Variants in TIAM1 observed in about 807,000 individuals in gnomAD.
The protein encoded by TIAM1 is rho guanine nucleotide exchange factor TIAM1.
In TIAM1, 65 loss-of-function variants were observed where a neutral mutation model predicts 163.5. The ratio of observed to expected loss-of-function variants is 0.40; its 90% CI spans 0.33 to 0.49. The LOEUF (loss-of-function observed/expected upper bound fraction) is 0.49. Ranked by LOEUF, TIAM1 falls within the 20% of genes least tolerant of loss-of-function variation. The pLI, the probability that TIAM1 is intolerant of heterozygous loss-of-function variation, is 0.77. For synonymous variants in TIAM1, 833 were observed against 810.1 expected, an observed-to-expected ratio of 1.03 and a Z score of -0.48; for missense variants, 1,789 against 2,044.7, an observed-to-expected ratio of 0.87 and a Z score of 2.41.
chr21:31,368,429 G>A (rs1222561249), intron 2 of TIAM1, among the ~76,000 whole-genome samples: 1 of 152,100 alleles, frequency 6.6e-6, no homozygotes, highest in Non-Finnish European at 1.5e-5. Flanking sequence ...TGAGCCACAC[G>A]CATAACATTT....
chr21:31,379,132 C>T (rs775321310), intron 2 of TIAM1, among the ~76,000 whole-genome samples: 25 of 152,090 alleles, frequency 1.6e-4, no homozygotes, highest in East Asian at 3.9e-4. Flanking sequence ...CCACCACACC[C>T]GGCTAATTTT....
intron 19 of TIAM1, among the ~76,000 whole-genome samples, chr21:31,147,616 CT>C (rs1458684775): frequency 2.0e-5 from 3 of 148,508 alleles, no homozygotes; most frequent in Non-Finnish European, 4.4e-5. Context: ...TGAGAAGATA[CT>C]TTGTATCCCA....
chr21:31,309,965 A>C (rs2074862453), intron 2 of TIAM1, among the ~76,000 whole-genome samples: 1 of 152,246 alleles, frequency 6.6e-6, no homozygotes, highest in African/African-American at 2.4e-5. Context: ...CAGAAATGCA[A>C]ATCAAATACC....
At chr21:31,172,458 A>T (rs562615088) in intron 15 of TIAM1, among the ~76,000 whole-genome samples, 1 of 152,222 alleles carries the variant, frequency 6.6e-6, no homozygotes, top group South Asian at 2.1e-4. Context: ...GTCCCCACCT[A>T]CTTACCAGGA....
intron 15 of TIAM1, among the ~76,000 whole-genome samples, chr21:31,182,205 T>C (rs2085064256): frequency 6.6e-6 from 1 of 152,158 alleles, no homozygotes; most frequent in Admixed American, 6.6e-5. Flanking sequence ...GACAGGTGGA[T>C]CTGTAGCAAA....
chr21:31,477,371 C>T (rs2147387403), intron 1 of TIAM1, among the ~76,000 whole-genome samples: 1 of 152,196 alleles, frequency 6.6e-6, no homozygotes, highest in East Asian at 1.9e-4. Context: ...AGTTATTTTT[C>T]CATTTTAGAC....
At position 31,155,747 on chromosome 21, in the gene TIAM1, C is replaced by T. The variant is rs142683151; in HGVS notation, c.2992-1321G>A. ...TCTCAATCTGACCTTGTGATCCACC[C>T]GCCTTGGCCTCCCAAAGTGCTGGGA... On this transcript the variant is annotated intron_variant, in intron 16 of 27. Transcript: ENST00000541036. Among the ~76,000 whole-genome samples the T allele has an allele frequency of 3.8e-3, 582 of 152,164 alleles. 5 individuals are homozygous for T. Among genetic ancestry groups the T allele is most frequent in the African/African-American group, 0.011 (471 of 41,524 alleles).
At chr21:31,504,301 G>A (rs952524220) in intron 1 of TIAM1, among the ~76,000 whole-genome samples, 1 of 152,224 alleles carries the variant, frequency 6.6e-6, no homozygotes, top group Non-Finnish European at 1.5e-5. Context: ...ATGCAAGGGT[G>A]CATCCAGAAG....
Position 31,120,303 on chromosome 21 carries a change from A to G in TIAM1, c.*65T>C. The G allele has an allele frequency of 6.8e-7, 1 of 1,478,480 alleles. No individual in the cohort carries two copies. The highest frequency in any genetic ancestry group is 1.3e-5 in the South Asian group (1 of 74,572). The allele number at this position is 1,478,480 out of a possible 1,614,324, so 91.6% of individuals were successfully genotyped here. On this transcript the variant is annotated 3_prime_UTR_variant, in exon 28 of 28. Coordinates refer to ENST00000541036, the MANE Select transcript of TIAM1 (RefSeq NM_001353694.2). This position sits in a 1 kb window ranked among gnomAD's most constrained non-coding sequence, Gnocchi z 4.2. ...AAGGGGACATTCTTGTCGACGGTACAGGAGGGTGGGCAGAGTTAGGGCAGG... is the reference window on the plus strand; with the variant it reads ...AAGGGGACATTCTTGTCGACGGTACGGGAGGGTGGGCAGAGTTAGGGCAGG...
At chr21:31,220,657 A>G (rs935530408) in intron 8 of TIAM1, among the ~76,000 whole-genome samples, 7 of 152,238 alleles carry the variant, frequency 4.6e-5, no homozygotes, top group African/African-American at 1.4e-4. Context: ...TCTTATAAGC[A>G]GTAATTCTAA....
chr21:31,423,940 A>G (rs533697687), intron 2 of TIAM1, among the ~76,000 whole-genome samples: 47 of 151,500 alleles, frequency 3.1e-4, no homozygotes, highest in African/African-American at 1.1e-3. Context: ...AGTTGATTGT[A>G]GTGATGATTG....
intron 19 of TIAM1, among the ~76,000 whole-genome samples, chr21:31,149,320 T>C (rs2083276786): frequency 6.6e-6 from 1 of 152,218 alleles, no homozygotes; most frequent in South Asian, 2.1e-4. Flanking sequence ...TGCATTATAT[T>C]TACTGGTTGA....
intron 2 of TIAM1, among the ~76,000 whole-genome samples, chr21:31,397,971 G>A (rs1445235332): frequency 6.6e-6 from 1 of 151,946 alleles, no homozygotes; most frequent in Admixed American, 6.6e-5. Flanking sequence ...GCTTCAGCCT[G>A]CCCCTGTGCA....
At chr21:31,237,277 T>C (rs1255262546) in intron 6 of TIAM1, among the ~76,000 whole-genome samples, 1 of 152,182 alleles carries the variant, frequency 6.6e-6, no homozygotes, top group Non-Finnish European at 1.5e-5. Context: ...TTATGAAAGA[T>C]GATTTACAGG....
intron 13 of TIAM1, among the ~76,000 whole-genome samples, chr21:31,194,372 C>T (rs1228443671): frequency 6.6e-6 from 1 of 152,120 alleles, no homozygotes; most frequent in Non-Finnish European, 1.5e-5. Context: ...TACACACCAC[C>T]AAAATAGTTC....
intron 4 of TIAM1, among the ~76,000 whole-genome samples, chr21:31,259,512 G>A (rs974037673): frequency 1.1e-4 from 16 of 151,996 alleles, no homozygotes; most frequent in Non-Finnish European, 1.8e-4. Flanking sequence ...CCAAGAGGCT[G>A]AGGCAGGAGG....
At chr21:31,125,641 C>A (rs1007382243) in intron 26 of TIAM1, among the ~76,000 whole-genome samples, 1 of 152,204 alleles carries the variant, frequency 6.6e-6, no homozygotes, top group Non-Finnish European at 1.5e-5. Flanking sequence ...GTGGTATGAT[C>A]TTGGCTCATT....
intron 15 of TIAM1, among the ~76,000 whole-genome samples, chr21:31,178,802 A>T (rs1315246664): frequency 4.6e-5 from 7 of 151,848 alleles, no homozygotes; most frequent in Admixed American, 4.6e-4. Context: ...CCCAGACTGG[A>T]GTGCAATGGC....
intron 2 of TIAM1, among the ~76,000 whole-genome samples, chr21:31,315,356 T>C (rs955891266): frequency 2.0e-5 from 3 of 151,524 alleles, no homozygotes; most frequent in African/African-American, 7.3e-5. Flanking sequence ...CTACTAAAAA[T>C]ACAAAAAAAT....
Sources: allele counts gnomAD v4.1 joint callset (sites outside exome capture counted in the v4.1 genomes callset), GRCh38; gene constraint gnomAD v4.1.1; non-coding constraint Gnocchi (gnomAD v3.1); transcripts MANE v1.5; gene names NCBI Gene and HGNC (gene_info 2026-07-23, HGNC 2026-07-21).